TGFBR1: variants seen among roughly 807,000 people sequenced by gnomAD.
TGFBR1 encodes transforming growth factor beta receptor 1, also known as TGF-beta receptor type-1.
Under a neutral mutation model 55.1 loss-of-function variants are expected in TGFBR1, and 20 were observed. The observed-to-expected ratio is 0.36, with a 90% CI of 0.26 to 0.53. The LOEUF (loss-of-function observed/expected upper bound fraction) is 0.53, where lower values mean the gene tolerates loss of function less well. Among genes scored for constraint, TGFBR1 ranks in the 20% least tolerant of loss-of-function variants. The pLI is 0.91. For synonymous variants in TGFBR1, 220 were observed against 214.8 expected (o/e 1.02, Z -0.21); for missense variants, 385 against 617.6 (o/e 0.62, Z 3.99).
chr9:99,134,245 A>G (rs1437159622), intron 3 of TGFBR1, among the ~76,000 whole-genome samples: 3 of 152,210 alleles, frequency 2.0e-5, no homozygotes, highest in Non-Finnish European at 4.4e-5. Context: ...ATTCTTCTAT[A>G]GAATTTGGCC....
Position 99,129,099 on chromosome 9 carries a change from T to C in TGFBR1, c.342T>C (p.Thr114=). 1 of 1,613,780 alleles carries C rather than the reference T, an allele frequency of 6.2e-7. No individual in the cohort carries two copies. ...DHCNKIELPT[T]VKSSPGLGPV... ...GCAATAAAATAGAACTTCCAACTACTGGTAAGTTGTATAAAATTTTTTTCC... is the reference window on the plus strand; with the variant it reads ...GCAATAAAATAGAACTTCCAACTACCGGTAAGTTGTATAAAATTTTTTTCC... The change falls in exon 2 of 9, where the codon ACT becomes ACC. Residue 114 remains threonine (T), a splice_region_variant and synonymous_variant. Coordinates refer to ENST00000374994, the MANE Select transcript of TGFBR1 (RefSeq NM_004612.4).
At chr9:99,148,365 C>T (rs555640270) in intron 8 of TGFBR1, among the ~76,000 whole-genome samples, 2 of 152,216 alleles carry the variant, frequency 1.3e-5, no homozygotes, top group South Asian at 2.1e-4. Flanking sequence ...GTTTTAGAAA[C>T]GTTTTTGTAA....
At chr9:99,119,168 A>C (rs973200055) in intron 1 of TGFBR1, among the ~76,000 whole-genome samples, 1 of 152,156 alleles carries the variant, frequency 6.6e-6, no homozygotes, top group South Asian at 2.1e-4. Flanking sequence ...CATTTCTTCA[A>C]CTGTGGCTCC....
intron 1 of TGFBR1, among the ~76,000 whole-genome samples, chr9:99,124,399 G>C (rs904084939): frequency 1.3e-5 from 2 of 152,148 alleles, no homozygotes; most frequent in Admixed American, 1.3e-4. Context: ...AAGGTGATGT[G>C]TTGCAGAGTG....
intron 4 of TGFBR1, among the ~76,000 whole-genome samples, chr9:99,139,155 C>G (rs1357421529): frequency 6.6e-6 from 1 of 151,576 alleles, no homozygotes; most frequent in Non-Finnish European, 1.5e-5. Flanking sequence ...CCACTCTTGT[C>G]ATCCCTACCC....
chr9:99,118,372 A>G (rs1826807389), intron 1 of TGFBR1, among the ~76,000 whole-genome samples: 1 of 152,154 alleles, frequency 6.6e-6, no homozygotes. Flanking sequence ...GTAGTGATGG[A>G]TATCTCTTTC....
Position 99,151,002 on chromosome 9 carries a change from CG to C in TGFBR1, c.*1698del. 4.4e-6 allele frequency: 1 copy of C among 227,356 alleles called. No individual in the cohort carries two copies. The highest frequency in any genetic ancestry group is 8.8e-6 in the Non-Finnish European group (1 of 114,260). 14.1% of individuals were successfully genotyped at this position (227,356 alleles called of 1,614,324 possible). A position where few individuals can be genotyped will look rare whatever the true frequency, so the allele number is the denominator to read the frequency against. On this transcript the variant is annotated 3_prime_UTR_variant, in exon 9 of 9. Coordinates refer to ENST00000374994, the MANE Select transcript of TGFBR1 (RefSeq NM_004612.4). ...CGACTTTATAGTGCTATCAGTTCCC[CG>C]ATACAGGGTCAGAGTAACCCATACA...
chr9:99,106,364 C>A (rs1345583239), intron 1 of TGFBR1, among the ~76,000 whole-genome samples: 1 of 152,196 alleles, frequency 6.6e-6, no homozygotes, highest in African/African-American at 2.4e-5. Context: ...AAATACACAG[C>A]CTCAGTGTTA....
intron 1 of TGFBR1, among the ~76,000 whole-genome samples, chr9:99,119,668 A>T (rs1311123070): frequency 6.6e-6 from 1 of 152,250 alleles, no homozygotes; most frequent in Admixed American, 6.5e-5. Context: ...TTTATTAGGG[A>T]TATTACATAT....
rs144871415 is a variant in TGFBR1 at position 99,152,222 on chromosome 9, G to A, written c.*2917G>A. On this transcript the variant is annotated 3_prime_UTR_variant, in exon 9 of 9. Transcript: ENST00000374994. ...TCAGTCATTAGAGGTGGAAGGGAGG[G>A]GTCTCCAAGTTTGGAGATTGAGCAG... The A allele has an allele frequency of 9.4e-6, 2 of 212,122 alleles. No individual in the cohort carries two copies. Among genetic ancestry groups the A allele is most frequent in the Non-Finnish European group, 9.6e-6 (1 of 104,680 alleles). 13.1% of individuals were successfully genotyped at this position (212,122 alleles called of 1,614,324 possible).
chr9:99,153,350 TTTCTG>T lies in TGFBR1; in HGVS notation c.*4047_*4051del, dbSNP rs943827656. On this transcript the variant is annotated 3_prime_UTR_variant, in exon 9 of 9. Coordinates refer to ENST00000374994, the MANE Select transcript of TGFBR1 (RefSeq NM_004612.4). ...AAATAACATCGTCTGTACTTTCTGT[TTTCTG>T]TATTGTATTTGTGCAGGATTCTTTA... 1 of 217,414 alleles carries T rather than the reference TTTCTG, an allele frequency of 4.6e-6. No individual in the cohort carries two copies. The highest frequency in any genetic ancestry group is 9.3e-6 in the Non-Finnish European group (1 of 107,786). 13.5% of individuals were successfully genotyped at this position (217,414 alleles called of 1,614,324 possible). A position where few individuals can be genotyped will look rare whatever the true frequency, so the allele number is the denominator to read the frequency against.
At chr9:99,128,070 G>A (rs1827091146) in intron 1 of TGFBR1, 2 of 452,352 alleles carry the variant, frequency 4.4e-6, no homozygotes, top group African/African-American at 4.0e-5. Flanking sequence ...GTATCTGTGT[G>A]TATGAGAAGG....
chr9:99,132,058 T>C (rs1827245629), intron 2 of TGFBR1, among the ~76,000 whole-genome samples: 1 of 152,038 alleles, frequency 6.6e-6, no homozygotes, highest in Admixed American at 6.6e-5. Context: ...TTTTCGCTTG[T>C]TTTGATATTT....
At chr9:99,121,019 T>TG (rs1477903623) in intron 1 of TGFBR1, among the ~76,000 whole-genome samples, 1 of 152,206 alleles carries the variant, frequency 6.6e-6, no homozygotes, top group Non-Finnish European at 1.5e-5. Context: ...GAAGATAATG[T>TG]GGAAAAACAA....
At chr9:99,145,575 T>C (rs540075020) in intron 6 of TGFBR1, among the ~76,000 whole-genome samples, 38 of 152,254 alleles carry the variant, frequency 2.5e-4, no homozygotes, top group Non-Finnish European at 4.8e-4. Flanking sequence ...TCAGTAGATA[T>C]TTGTTGAGTC....
chr9:99,133,807 T>G (rs760216953), intron 3 of TGFBR1, among the ~76,000 whole-genome samples: 1 of 151,958 alleles, frequency 6.6e-6, no homozygotes, highest in Non-Finnish European at 1.5e-5. Flanking sequence ...ATAATGAAAA[T>G]TTCACTAATT....
upstream of TGFBR1, among the ~76,000 whole-genome samples, chr9:99,104,721 G>C (rs1208217545): frequency 1.3e-5 from 2 of 152,318 alleles, no homozygotes; most frequent in South Asian, 4.1e-4. Context: ...TCCGCGCCTA[G>C]AGGAGGTTAG....
intron 1 of TGFBR1, among the ~76,000 whole-genome samples, chr9:99,113,937 C>T (rs1002199369): frequency 1.6e-4 from 25 of 152,154 alleles, no homozygotes; most frequent in African/African-American, 6.0e-4. Context: ...GAATTTCTTA[C>T]ATTAGGTAGG....
intron 4 of TGFBR1, among the ~76,000 whole-genome samples, chr9:99,138,979 G>A (rs958320518): frequency 6.6e-6 from 1 of 151,966 alleles, no homozygotes; most frequent in Non-Finnish European, 1.5e-5. Context: ...TGTATTTTTA[G>A]TAGAGATGGG....
Sources: gnomAD v4.1 joint callset for allele counts (sites outside exome capture counted in the v4.1 genomes callset) on GRCh38, gnomAD v4.1.1 for gene constraint, MANE v1.5 for transcripts, NCBI Gene and HGNC (gene_info 2026-07-23, HGNC 2026-07-21) for gene names.